USP24: variants seen among roughly 807,000 people sequenced by gnomAD.
The protein encoded by USP24 is ubiquitin carboxyl-terminal hydrolase 24.
A neutral mutation model predicts 361.6 loss-of-function variants in USP24; 97 were observed. The ratio of observed to expected loss-of-function variants is 0.27; its 90% CI spans 0.23 to 0.32. The LOEUF (loss-of-function observed/expected upper bound fraction) is 0.32. Ranked by LOEUF, USP24 falls within the 10% of genes least tolerant of loss-of-function variation. USP24 has a pLI of 1.00. For missense variants in USP24, 2,353 were observed against 3,165.6 expected, an observed-to-expected ratio of 0.74 and a Z score of 6.16; for synonymous variants, 1,098 against 1,124.6, an observed-to-expected ratio of 0.98 and a Z score of 0.47.
chr1:55,202,454 C>CA (rs1287938527), intron 1 of USP24, among the ~76,000 whole-genome samples: 2 of 151,612 alleles, frequency 1.3e-5, no homozygotes, highest in African/African-American at 4.9e-5. Context: ...ACCCAAGTTG[C>CA]AGTGCAGTGG....
intron 32 of USP24, among the ~76,000 whole-genome samples, chr1:55,128,087 TTCCTTTGTTCGTTCCATC>T (rs1467590305): frequency 6.6e-6 from 1 of 152,214 alleles, no homozygotes; most frequent in East Asian, 1.9e-4. Context: ...TTCTCTTGCT[TTCCTTTGTTCGTTCCATC>T]TCTCTGTGTT....
In USP24 at chr1:55,121,497, T is replaced by C. The variant is rs911770441; in HGVS notation, c.4286A>G (p.Tyr1429Cys). The C allele has an allele frequency of 9.9e-6, 16 of 1,613,532 alleles. No homozygotes were observed. Among genetic ancestry groups the C allele is most frequent in the Admixed American group, 1.7e-5 (1 of 59,890 alleles). ...QLRSQQLASF[Y>C]NLPCVADFII... ...GAAATCAGCAACACAGGGCAAGTTA[T>C]AGAAAGATGCTAATAAGAAGAAATG... is the stretch of plus-strand genomic sequence containing the variant. Residue 1429 changes from tyrosine to cysteine, a missense_variant, in exon 37 of 68, where the codon TAT becomes TGT. This residue lies in a region of USP24 where 949 missense variants were observed against 1,280.5 expected (regional missense o/e 0.74). Transcript: ENST00000294383.
intron 28 of USP24, among the ~76,000 whole-genome samples, chr1:55,135,967 T>C (rs1407097332): frequency 1.3e-5 from 2 of 152,214 alleles, no homozygotes; most frequent in Admixed American, 6.5e-5. Context: ...TTCTAGGCAC[T>C]GTTTTAGGTG....
chr1:55,161,569 G>A (rs182258589), intron 8 of USP24, among the ~76,000 whole-genome samples: 2 of 152,202 alleles, frequency 1.3e-5, no homozygotes, highest in African/African-American at 2.4e-5. Context: ...AAGCTCTATA[G>A]AAGTTATAGG....
chr1:55,132,454 C>A, intron 31 of USP24, 91 bp downstream of exon 31: 1 of 1,402,778 alleles, frequency 7.1e-7, no homozygotes, highest in African/African-American at 1.4e-5. Context: ...ATAACAGAAA[C>A]CTATTTACTT....
chr1:55,143,203 A>G (rs1436734761), intron 21 of USP24, 84 bp from the exon 22 acceptor site: 2 of 1,004,710 alleles, frequency 2.0e-6, no homozygotes, highest in Admixed American at 3.4e-5. Flanking sequence ...TTGTTACATC[A>G]TGAGTCCACA....
At position 55,077,093 on chromosome 1, in the gene USP24, T is replaced by C. The variant is rs1464938959; in HGVS notation, c.7380+142A>G. The C allele has an allele frequency of 9.2e-6, 7 of 762,736 alleles. No individual in the cohort carries two copies. The East Asian group carries it at 2.2e-4, about 24-fold the overall frequency. The allele number at this position is 762,736 out of a possible 1,614,324, so 47.2% of individuals were successfully genotyped here. ...CTCTAAACCAAATGCATTAGACACA[T>C]GACTGACACGAAGATTTGGTCTCAA... On this transcript the variant is annotated intron_variant, in intron 62 of 67. Transcript: ENST00000294383.
In USP24 at chr1:55,154,219, T is replaced by C; in HGVS notation, c.1712A>G (p.Gln571Arg). ...LPTLPSSLIQQALEEHLTILS... is the reference protein window; with the variant it reads ...LPTLPSSLIQRALEEHLTILS... ...GATTGTCAGGTGCTCCTCCAAGGCC[T>C]GCTGAATAAGGCTACTGGGCAGGGT... The change falls in exon 15 of 68, where the codon CAG (glutamine) becomes CGG (arginine). Residue 571 changes from glutamine (Q) to arginine (R), a missense_variant. Physicochemically the swap from Gln to Arg is conservative, Grantham distance 43. Transcript: ENST00000294383. The C allele has an allele frequency of 6.2e-7, 1 of 1,613,560 alleles. No individual in the cohort carries two copies. Among genetic ancestry groups the C allele is most frequent in the Non-Finnish European group, 8.5e-7 (1 of 1,179,680 alleles).
In USP24 at chr1:55,159,698, A is replaced by G. The variant is rs748831823; in HGVS notation, c.994-13T>C. ...GGTCTAGCATGGGCTGTAGAAATAA[A>G]ATGCTACAGTTAAGAACTCCCGAAG... On this transcript the variant is annotated splice_polypyrimidine_tract_variant and intron_variant, in intron 8 of 67. Transcript: ENST00000294383. 7 of 1,552,038 alleles carry G rather than the reference A, an allele frequency of 4.5e-6. No homozygotes were observed. In the African/African-American group the frequency reaches 8.2e-5, roughly 18 times the overall value.
Position 55,086,021 on chromosome 1 carries a change from C to T in USP24, c.6686G>A (p.Cys2229Tyr), listed in dbSNP as rs1645242941. 1 of 1,613,920 alleles carries T rather than the reference C, an allele frequency of 6.2e-7. No homozygotes were observed. Among genetic ancestry groups the T allele is most frequent in the Non-Finnish European group, 8.5e-7 (1 of 1,179,828 alleles). The change falls in exon 56 of 68, where the codon TGC (cysteine) becomes TAC (tyrosine). Residue 2229 changes from cysteine (C) to tyrosine (Y), a missense_variant. Cys to Tyr is a radical substitution (Grantham distance 194, BLOSUM62 -2). Around this residue, in one of 8 missense-constraint regions of USP24, gnomAD observed 598 missense variants for 761.9 expected, o/e 0.78. Transcript: ENST00000294383. The stretch of plus-strand genomic sequence containing the variant: ...AGCAACTCGTACTTCTCTCACATTG[C>T]ACTCCAGTAAGAAAATCCTGAAAGA... ...RELIKIFLLE[C>Y]NVREVRVAVA...
intron 54 of USP24, among the ~76,000 whole-genome samples, chr1:55,090,885 G>C (rs552111701): frequency 2.6e-5 from 4 of 152,364 alleles, no homozygotes; most frequent in Admixed American, 2.6e-4. Flanking sequence ...GGGAGTTCAA[G>C]AGTAGTTTGC....
intron 1 of USP24, among the ~76,000 whole-genome samples, chr1:55,200,482 T>C (rs1446134874): frequency 3.3e-5 from 5 of 152,190 alleles, no homozygotes; most frequent in African/African-American, 7.2e-5. Flanking sequence ...GTTGAACAAA[T>C]AGTTACCATA....
intron 56 of USP24, among the ~76,000 whole-genome samples, 167 bp downstream of exon 56, chr1:55,085,775 G>T (rs1645237642): frequency 6.6e-6 from 1 of 152,222 alleles, no homozygotes; most frequent in South Asian, 2.1e-4. Flanking sequence ...TGAGGAGGAA[G>T]GGACAGAATG....
At chr1:55,097,519 G>C (rs1645523768) in intron 48 of USP24, 79 bp downstream of exon 48, 2 of 1,497,674 alleles carry the variant, frequency 1.3e-6, no homozygotes, top group Non-Finnish European at 1.8e-6. Context: ...GACAGAATAT[G>C]AAAATTGAAA....
intron 5 of USP24, among the ~76,000 whole-genome samples, chr1:55,170,723 A>C (rs1319752032): frequency 6.6e-6 from 1 of 152,134 alleles, no homozygotes; most frequent in Non-Finnish European, 1.5e-5. Context: ...GGTGGCAATA[A>C]CTACCCCTTC....
intron 54 of USP24, among the ~76,000 whole-genome samples, chr1:55,091,236 G>A (rs755403107): frequency 2.6e-5 from 4 of 152,164 alleles, no homozygotes; most frequent in Non-Finnish European, 5.9e-5. Context: ...GGTAAGTGGT[G>A]TGCCAGTGAG....
intron 1 of USP24, 72 bp downstream of exon 1, chr1:55,214,718 G>C: frequency 1.8e-6 from 2 of 1,105,442 alleles, no homozygotes; most frequent in Non-Finnish European, 2.2e-6. Flanking sequence ...ACCAAGCCCA[G>C]CGGGGTGTGT....
At chr1:55,175,546 A>C (rs1230338247) in intron 3 of USP24, among the ~76,000 whole-genome samples, 1 of 151,956 alleles carries the variant, frequency 6.6e-6, no homozygotes, top group Admixed American at 6.6e-5. Flanking sequence ...CTTAAGATAA[A>C]CGCAAACATT....
chr1:55,143,010 C>T lies in USP24; in HGVS notation c.2549G>A (p.Ser850Asn). 6.6e-7 allele frequency: 1 copy of T among 1,521,710 alleles called. No individual in the cohort carries two copies. The allele number at this position is 1,521,710 out of a possible 1,614,324, so 94.3% of individuals were successfully genotyped here. The change falls in exon 22 of 68, where the codon AGT (serine) becomes AAT (asparagine). Residue 850 changes from serine (S) to asparagine (N), a missense_variant. Physicochemically the swap from Ser to Asn is conservative, Grantham distance 46. Transcript: ENST00000294383. ...NEAIQLIINY[S>N]YINLNPRLKK... ...TAATCTAGGATTTAGATTAATGTAACTATAGTTTATGATTAGCTGAATAGC... is the reference window on the plus strand; with the variant it reads ...TAATCTAGGATTTAGATTAATGTAATTATAGTTTATGATTAGCTGAATAGC...
Sources: gnomAD v4.1 joint callset for allele counts (sites outside exome capture counted in the v4.1 genomes callset) on GRCh38, gnomAD v4.1.1 for gene constraint, gnomAD v4.1.1 regional missense constraint, MANE v1.5 for transcripts, NCBI Gene and HGNC (gene_info 2026-07-23, HGNC 2026-07-21) for gene names.